ZNF224: variants seen among roughly 807,000 people sequenced by gnomAD.
The protein encoded by ZNF224 is bone marrow zinc finger 2.
Under a neutral mutation model 10.5 loss-of-function variants are expected in ZNF224, and 8 were observed. That is an observed-to-expected ratio of 0.76 (90% CI 0.45 to 1.37). The LOEUF is 1.37. Among genes scored for constraint, ZNF224 ranks in the 40% most tolerant of loss-of-function variants. ZNF224 has a pLI of 0.00. For synonymous variants in ZNF224, 282 were observed against 287.8 expected, an observed-to-expected ratio of 0.98 and a Z score of 0.20; for missense variants, 754 against 854.0, an observed-to-expected ratio of 0.88 and a Z score of 1.46.
intron 3 of ZNF224, among the ~76,000 whole-genome samples, chr19:44,098,566 A>T (rs568695479): frequency 1.3e-5 from 2 of 151,572 alleles, no homozygotes; most frequent in East Asian, 1.9e-4. Context: ...AAGGAATTTG[A>T]CCAAAGTAAT....
At chr19:44,095,462 C>A (rs4459653) in intron 1 of ZNF224, 1 of 152,012 alleles carries the variant, frequency 6.6e-6, no homozygotes, top group Non-Finnish European at 1.5e-5. Flanking sequence ...TACGTTGTCA[C>A]TGAGGCAGAG....
At chr19:44,102,042 C>T (rs1967558622) in intron 5 of ZNF224, among the ~76,000 whole-genome samples, 2 of 152,188 alleles carry the variant, frequency 1.3e-5, no homozygotes, top group African/African-American at 4.8e-5. Context: ...GCATCTACAA[C>T]CTCTGTTCCC....
Position 44,108,930 on chromosome 19 carries a change from A to G in ZNF224, c.*646A>G, listed in dbSNP as rs1472659959. 7 of 227,164 alleles carry G rather than the reference A, an allele frequency of 3.1e-5. No individual in the cohort carries two copies. The highest frequency in any genetic ancestry group is 2.1e-4 in the East Asian group (2 of 9,428). 14.1% of individuals were successfully genotyped at this position (227,164 alleles called of 1,614,324 possible). A position where few individuals can be genotyped will look rare whatever the true frequency, so the allele number is the denominator to read the frequency against. Reference sequence around the variant, plus strand: ...TGCATATTATTATTTTTTCTTTTAAATTTTTTTCTTGATCAGATTTATCAT... The same window carrying G: ...TGCATATTATTATTTTTTCTTTTAAGTTTTTTTCTTGATCAGATTTATCAT... On this transcript the variant is annotated 3_prime_UTR_variant, in exon 6 of 6. Coordinates refer to ENST00000693561, the MANE Select transcript of ZNF224 (RefSeq NM_001321645.3).
chr19:44,098,023 T>A, intron 3 of ZNF224, 135 bp downstream of exon 3: 1 of 896,276 alleles, frequency 1.1e-6, no homozygotes, highest in Non-Finnish European at 1.7e-6. Context: ...TGTACTTCCT[T>A]TGTTACTTTT....
In ZNF224 at chr19:44,108,410, C is replaced by A; in HGVS notation, c.*126C>A. ...AAGCACTTCCCTTTGAGTATTTTAT[C>A]TCTGAATCCATGCTGGTGATAAATT... On this transcript the variant is annotated 3_prime_UTR_variant, in exon 6 of 6. Transcript: ENST00000693561. The A allele has an allele frequency of 1.0e-6, 1 of 983,316 alleles. No homozygotes were observed. The highest frequency in any genetic ancestry group is 1.5e-6 in the Non-Finnish European group (1 of 682,256). The allele number at this position is 983,316 out of a possible 1,614,324, so 60.9% of individuals were successfully genotyped here.
intron 5 of ZNF224, 123 bp from the exon 6 acceptor site, chr19:44,106,273 G>A: frequency 9.4e-7 from 1 of 1,061,466 alleles, no homozygotes; most frequent in Non-Finnish European, 1.4e-6. Context: ...TGGTGCACTT[G>A]AAAAATACAA....
intron 5 of ZNF224, 108 bp from the exon 6 acceptor site, chr19:44,106,288 A>G: frequency 8.5e-7 from 1 of 1,170,244 alleles, no homozygotes; most frequent in South Asian, 1.5e-5. Flanking sequence ...ATACAAACTG[A>G]ATGTTGTCTA....
chr19:44,099,469 A>C (rs1467906827), intron 3 of ZNF224, among the ~76,000 whole-genome samples: 1 of 152,224 alleles, frequency 6.6e-6, no homozygotes, highest in African/African-American at 2.4e-5. Context: ...AAAGGACATT[A>C]CCAGGAATGT....
intron 3 of ZNF224, among the ~76,000 whole-genome samples, chr19:44,099,349 G>A (rs748608520): frequency 6.6e-6 from 1 of 152,092 alleles, no homozygotes; most frequent in African/African-American, 2.4e-5. Flanking sequence ...ACCAGAAAAT[G>A]TAACAGTCTA....
intron 5 of ZNF224, chr19:44,105,484 A>G (rs1967636684): frequency 6.6e-6 from 1 of 151,984 alleles, no homozygotes; most frequent in African/African-American, 2.4e-5. Flanking sequence ...TATCATATTA[A>G]TTTTATTATT....
At position 44,099,702 on chromosome 19, in the gene ZNF224, A is replaced by G. The variant is rs184273461; in HGVS notation, c.16-1099A>G. 3.3e-3 allele frequency among the ~76,000 whole-genome samples: 505 copies of G among 152,272 alleles called. 10 individuals carry two copies. The highest frequency in any genetic ancestry group is 8.3e-3 in the East Asian group (43 of 5,188). On this transcript the variant is annotated intron_variant, in intron 3 of 5. Coordinates refer to ENST00000693561, the MANE Select transcript of ZNF224 (RefSeq NM_001321645.3). ...ACTCTATCTCTACAAAAAGAAAAAA[A>G]AGAAAAAAACAATTTCTTCCTAATC...
intron 3 of ZNF224, 40 bp from the exon 4 acceptor site, chr19:44,100,759 CAT>C: frequency 3.1e-6 from 5 of 1,596,826 alleles, no homozygotes; most frequent in Non-Finnish European, 3.4e-6. Context: ...TCCCAGGAAT[CAT>C]TGGTCATGAG....
chr19:44,104,884 G>C (rs1008831942), intron 5 of ZNF224, among the ~76,000 whole-genome samples: 8 of 152,148 alleles, frequency 5.3e-5, no homozygotes, highest in African/African-American at 1.9e-4. Flanking sequence ...GGATGGTCTC[G>C]ATCTCCTGAC....
rs1479959405 is a variant in ZNF224 at position 44,107,197 on chromosome 19, G to A, written c.1037G>A (p.Cys346Tyr). The A allele has an allele frequency of 1.9e-6, 3 of 1,605,690 alleles. No homozygotes were observed. Among genetic ancestry groups the A allele is most frequent in the African/African-American group, 2.7e-5 (2 of 74,664 alleles). Residue 346 changes from cysteine (C) to tyrosine (Y), a missense_variant, in exon 6 of 6, where the codon TGT (cysteine) becomes TAT (tyrosine). Coordinates refer to ENST00000693561, the MANE Select transcript of ZNF224 (RefSeq NM_001321645.3). The stretch of plus-strand genomic sequence containing the variant: ...CACACAGGAGAGAAACCATACAAAT[G>A]TGAGGAGTGTGGAAAAGGCTTTATT... ...MIHTGEKPYK[C>Y]EECGKGFICR...
chr19:44,099,874 C>T lies in ZNF224; in HGVS notation c.16-927C>T, dbSNP rs576949021. On this transcript the variant is annotated intron_variant, in intron 3 of 5. Transcript: ENST00000693561. ...CATAATCATAATATTAAATTTCTGA[C>T]ATTTTGTTATTTAAAACTTACTTTA... 6.6e-5 allele frequency among the ~76,000 whole-genome samples: 10 copies of T among 151,642 alleles called. No individual in the cohort carries two copies. In the South Asian group the frequency reaches 2.1e-3, roughly 32 times the overall value.
intron 3 of ZNF224, among the ~76,000 whole-genome samples, chr19:44,098,806 C>T (rs7250005): frequency 0.74 from 111,912 of 152,096 alleles, 42,843 homozygotes; most frequent in Non-Finnish European, 0.87. Context: ...CTCGAACTCC[C>T]GACCTCAGGT....
At position 44,107,659 on chromosome 19, in the gene ZNF224, A is replaced by C; in HGVS notation, c.1499A>C (p.His500Pro). The change falls in exon 6 of 6, where the codon CAT (histidine) becomes CCT (proline). Residue 500 changes from histidine (H) to proline (P), a missense_variant. His to Pro is a moderately conservative substitution (Grantham distance 77, BLOSUM62 -2). Transcript: ENST00000693561. ...AGATTTACTCAAAATTCACATCTTC[A>C]TTCCCATCAGAGAGTTCACACTGGA... is the stretch of plus-strand genomic sequence containing the variant. ...GKRFTQNSHL[H>P]SHQRVHTGEK... 1 of 1,614,114 alleles carries C rather than the reference A, an allele frequency of 6.2e-7. No individual in the cohort carries two copies. Among genetic ancestry groups the C allele is most frequent in the Non-Finnish European group, 8.5e-7 (1 of 1,180,010 alleles).
chr19:44,106,456 C>T lies in ZNF224; in HGVS notation c.296C>T (p.Ser99Phe). The part of the protein sequence containing the change: ...VSEAGTHQEW[S>F]FQQIWEKIAS... Reference sequence around the variant, plus strand: ...GAAGCAGGAACACATCAAGAGTGGTCCTTCCAGCAAATCTGGGAAAAAATT... The same window carrying T: ...GAAGCAGGAACACATCAAGAGTGGTTCTTCCAGCAAATCTGGGAAAAAATT... Residue 99 changes from serine to phenylalanine, a missense_variant, in exon 6 of 6, where the codon TCC (serine) becomes TTC (phenylalanine). Physicochemically the swap from Ser to Phe is radical, Grantham distance 155. Coordinates refer to ENST00000693561, the MANE Select transcript of ZNF224 (RefSeq NM_001321645.3). 1 of 1,614,148 alleles carries T rather than the reference C, an allele frequency of 6.2e-7. No individual in the cohort carries two copies. Among genetic ancestry groups the T allele is most frequent in the African/African-American group, 1.3e-5 (1 of 75,034 alleles).
At chr19:44,100,984 C>G in intron 4 of ZNF224, 57 bp downstream of exon 4, 1 of 1,608,398 alleles carries the variant, frequency 6.2e-7, no homozygotes, top group Non-Finnish European at 8.5e-7. Flanking sequence ...GCTTTGTATC[C>G]TAGGGTACAA....
Sources: allele counts gnomAD v4.1 joint callset (sites outside exome capture counted in the v4.1 genomes callset), GRCh38; gene constraint gnomAD v4.1.1; transcripts MANE v1.5; gene names NCBI Gene and HGNC (gene_info 2026-07-23, HGNC 2026-07-21).